TRMT11: variants seen among roughly 807,000 people sequenced by gnomAD.
TRMT11 encodes tRNA (guanine(10)-N(2))-methyltransferase TRMT11.
TRMT11 carries 53 observed loss-of-function variants against 62.8 expected under a neutral mutation model. The observed-to-expected ratio is 0.84, with a 90% CI of 0.68 to 1.06. The LOEUF is 1.06. Among genes scored for constraint, TRMT11 ranks in the 50% least tolerant of loss-of-function variants. TRMT11 has a pLI of 0.00. For synonymous variants in TRMT11, 188 were observed against 190.3 expected (o/e 0.99, Z 0.10); for missense variants, 556 against 553.4 (o/e 1.00, Z -0.05).
chr6:126,077,849 C>T (rs1175864537), intron 17 of TRMT11, among the ~76,000 whole-genome samples: 1 of 152,118 alleles, frequency 6.6e-6, no homozygotes, highest in Non-Finnish European at 1.5e-5. Flanking sequence ...GTGGCACAGA[C>T]TAGAACTCTC....
At chr6:126,225,242 A>G in the TRMT11 span, among the ~76,000 whole-genome samples, 5 of 152,268 alleles carry the variant, frequency 3.3e-5, no homozygotes, top group African/African-American at 1.2e-4. Context: ...TTCTCCAAGC[A>G]GCTCTCCCTA....
the TRMT11 span, among the ~76,000 whole-genome samples, chr6:126,220,217 C>T: frequency 6.6e-6 from 1 of 152,272 alleles, no homozygotes. Context: ...TAGAGGTGTA[C>T]AGTCATAGCA....
At chr6:126,226,545 GA>G in the TRMT11 span, among the ~76,000 whole-genome samples, 502 of 152,070 alleles carry the variant, frequency 3.3e-3, 2 homozygotes, top group African/African-American at 0.012. Context: ...TTTCTATATG[GA>G]AATGATTATC....
At chr6:126,101,262 C>T (rs566153146) in intron 17 of TRMT11, among the ~76,000 whole-genome samples, 5 of 152,236 alleles carry the variant, frequency 3.3e-5, no homozygotes, top group African/African-American at 7.2e-5. Flanking sequence ...CCAGAAAAGA[C>T]GTGCTCTTAG....
Position 125,986,566 on chromosome 6 carries a change from A to G in TRMT11, c.16A>G (p.Thr6Ala), listed in dbSNP as rs952717956. 6.3e-7 allele frequency: 1 copy of G among 1,590,530 alleles called. No homozygotes were observed. The highest frequency in any genetic ancestry group is 8.5e-7 in the Non-Finnish European group (1 of 1,170,834). The change falls in exon 1 of 13, where the codon ACC becomes GCC. Residue 6 changes from threonine to alanine, a missense_variant. Thr to Ala is a moderately conservative substitution (Grantham distance 58, BLOSUM62 0). Coordinates refer to ENST00000334379, the MANE Select transcript of TRMT11 (RefSeq NM_001031712.3). ...GGCAGCTGCAATGGCGCTGTCGTGT[A>G]CCCTTAACAGGTATCTGCTCCTCAT... is the stretch of plus-strand genomic sequence containing the variant. MALSC[T>A]LNRYLLLMAQ...
At chr6:126,125,844 A>G (rs1386320330) in intron 21 of TRMT11, among the ~76,000 whole-genome samples, 1 of 140,428 alleles carries the variant, frequency 7.1e-6, no homozygotes. Context: ...TCAGTGTAGG[A>G]TGAAATGTTA....
intron 11 of TRMT11, among the ~76,000 whole-genome samples, chr6:126,018,598 C>T (rs1341673553): frequency 6.6e-6 from 1 of 151,828 alleles, no homozygotes; most frequent in Non-Finnish European, 1.5e-5. Context: ...ACATTTTCCT[C>T]ACCCCCGAGA....
intron 12 of TRMT11, among the ~76,000 whole-genome samples, chr6:126,026,434 G>A (rs112731149): frequency 0.022 from 3,318 of 151,704 alleles, 117 homozygotes; most frequent in African/African-American, 0.077. Context: ...TTGCCAGGCT[G>A]GAGTGCAGTG....
chr6:126,007,761 AAC>A (rs1200931368), intron 7 of TRMT11, among the ~76,000 whole-genome samples: 4 of 152,136 alleles, frequency 2.6e-5, no homozygotes, highest in Non-Finnish European at 5.9e-5. Flanking sequence ...CACTAATAAA[AAC>A]AGTTTATTAA....
At chr6:126,019,613 A>T (rs1162536880) in intron 11 of TRMT11, among the ~76,000 whole-genome samples, 1 of 152,158 alleles carries the variant, frequency 6.6e-6, no homozygotes, top group Non-Finnish European at 1.5e-5. Flanking sequence ...AGTTTGACAC[A>T]AACTGTTTCC....
At chr6:126,105,188 G>A (rs1168763939) in intron 17 of TRMT11, among the ~76,000 whole-genome samples, 1 of 152,066 alleles carries the variant, frequency 6.6e-6, no homozygotes, top group East Asian at 1.9e-4. Flanking sequence ...ACATTCCATG[G>A]ACTGAGCTTG....
At chr6:126,094,634 C>CCGCCTGGTTGGCGGG (rs1301230570) in intron 17 of TRMT11, among the ~76,000 whole-genome samples, 4 of 152,126 alleles carry the variant, frequency 2.6e-5, no homozygotes, top group African/African-American at 4.8e-5. Flanking sequence ...ATAGAGAATG[C>CCGCCTGGTTGGCGGG]CAAGGATTTC....
chr6:126,029,096 GATTTTCCTC>G (rs1773716414), intron 12 of TRMT11, among the ~76,000 whole-genome samples: 1 of 152,060 alleles, frequency 6.6e-6, no homozygotes, highest in South Asian at 2.1e-4. Flanking sequence ...ATGAGTGACA[GATTTTCCTC>G]ATTGTATACT....
chr6:126,205,252 C>A (rs577794809), downstream of TRMT11, among the ~76,000 whole-genome samples: 1 of 152,256 alleles, frequency 6.6e-6, no homozygotes, highest in East Asian at 1.9e-4. Flanking sequence ...CGCCTGTAAT[C>A]CCAGCACTTT....
At chr6:126,265,675 T>A in the TRMT11 span, among the ~76,000 whole-genome samples, 1 of 152,168 alleles carries the variant, frequency 6.6e-6, no homozygotes, top group East Asian at 1.9e-4. Context: ...CTAATGCAGC[T>A]ACTTGCTCAT....
chr6:126,174,347 A>G (rs1778361966), upstream of TRMT11, among the ~76,000 whole-genome samples: 1 of 152,242 alleles, frequency 6.6e-6, no homozygotes, highest in Admixed American at 6.5e-5. Context: ...GGAAGCCCAC[A>G]AAAAGCTGCC....
At chr6:126,026,793 G>T (rs575821441) in intron 12 of TRMT11, among the ~76,000 whole-genome samples, 11 of 142,428 alleles carry the variant, frequency 7.7e-5, no homozygotes, top group East Asian at 2.1e-4. Flanking sequence ...GTAGAATGTG[G>T]TTTTTTGGGT....
chr6:126,034,915 C>T (rs530353684), intron 12 of TRMT11, among the ~76,000 whole-genome samples: 8 of 151,740 alleles, frequency 5.3e-5, no homozygotes, highest in South Asian at 2.1e-4. Flanking sequence ...GGTTGAGACG[C>T]GCAGGGAATG....
At chr6:126,100,736 G>A (rs1777389551) in intron 17 of TRMT11, among the ~76,000 whole-genome samples, 1 of 152,122 alleles carries the variant, frequency 6.6e-6, no homozygotes, top group Non-Finnish European at 1.5e-5. Context: ...GAATGGTTTT[G>A]GGATGATTCA....
Sources: gnomAD v4.1 joint callset for allele counts (sites outside exome capture counted in the v4.1 genomes callset) on GRCh38, gnomAD v4.1.1 for gene constraint, MANE v1.5 for transcripts, NCBI Gene and HGNC (gene_info 2026-07-23, HGNC 2026-07-21) for gene names.